The following MGAT4C variants were observed in gnomAD, a reference collection of about 807,000 sequenced individuals.
MGAT4C encodes the protein alpha-1,3-mannosyl-glycoprotein 4-beta-N-acetylglucosaminyltransferase C.
MGAT4C carries 19 observed loss-of-function variants against 40.1 expected under a neutral mutation model. The ratio of observed to expected loss-of-function variants is 0.47; its 90% CI spans 0.33 to 0.70. The LOEUF (loss-of-function observed/expected upper bound fraction) is 0.70. Among genes scored for constraint, MGAT4C ranks in the 30% least tolerant of loss-of-function variants. The pLI is 0.02. For missense variants in MGAT4C, 491 were observed against 563.2 expected (o/e 0.87, Z 1.30); for synonymous variants, 181 against 187.1 (o/e 0.97, Z 0.27).
At chr12:86,389,174 T>C (rs1956118879) in intron 3 of MGAT4C, among the ~76,000 whole-genome samples, 1 of 152,162 alleles carries the variant, frequency 6.6e-6, no homozygotes, top group Non-Finnish European at 1.5e-5. Context: ...TAGTTATTTT[T>C]CCATATCTTC....
At chr12:86,314,935 A>G (rs1954165965) in intron 4 of MGAT4C, among the ~76,000 whole-genome samples, 1 of 152,190 alleles carries the variant, frequency 6.6e-6, no homozygotes, top group Non-Finnish European at 1.5e-5. Context: ...AGGAATCTAC[A>G]GACACAACAC....
At chr12:86,030,783 A>T (rs564054341) in intron 2 of MGAT4C, among the ~76,000 whole-genome samples, 1 of 151,938 alleles carries the variant, frequency 6.6e-6, no homozygotes, top group South Asian at 2.1e-4. Flanking sequence ...AAAAATGTAA[A>T]GATTATTAGT....
At chr12:86,830,763 C>A (rs892450258) in intron 1 of MGAT4C, among the ~76,000 whole-genome samples, 6 of 148,232 alleles carry the variant, frequency 4.0e-5, no homozygotes, top group Non-Finnish European at 9.1e-5. Context: ...AAACTTGTCA[C>A]AGGTAGACGT....
intron 1 of MGAT4C, among the ~76,000 whole-genome samples, chr12:86,808,411 C>T (rs1952405117): frequency 6.6e-6 from 1 of 152,018 alleles, no homozygotes. Flanking sequence ...TCTAGCAGCC[C>T]ATCAAAAAGC....
At chr12:86,689,088 A>G (rs1384256880) in intron 2 of MGAT4C, among the ~76,000 whole-genome samples, 1 of 152,088 alleles carries the variant, frequency 6.6e-6, no homozygotes, top group Admixed American at 6.6e-5. Flanking sequence ...TATTTTGTTA[A>G]GTTGATCTTC....
At chr12:86,794,034 A>G (rs1952070462) in intron 1 of MGAT4C, among the ~76,000 whole-genome samples, 1 of 151,960 alleles carries the variant, frequency 6.6e-6, no homozygotes, top group Non-Finnish European at 1.5e-5. Context: ...CTAAATTCAA[A>G]CATATATAAA....
At chr12:86,343,470 A>T (rs1407895612) in intron 3 of MGAT4C, among the ~76,000 whole-genome samples, 2 of 152,152 alleles carry the variant, frequency 1.3e-5, no homozygotes, top group Admixed American at 6.6e-5. Context: ...TTTTAACAAA[A>T]CCTATTGGAA....
intron 4 of MGAT4C, among the ~76,000 whole-genome samples, chr12:86,311,257 T>TGTATGGCATTTTCCC (rs1332309457): frequency 2.6e-5 from 4 of 152,204 alleles, no homozygotes; most frequent in African/African-American, 9.7e-5. Flanking sequence ...GCTACAAACC[T>TGTATGGCATTTTCCC]GTATGGCATT....
At chr12:86,471,936 T>C (rs1193375826) in intron 2 of MGAT4C, among the ~76,000 whole-genome samples, 4 of 152,166 alleles carry the variant, frequency 2.6e-5, no homozygotes, top group African/African-American at 4.8e-5. Context: ...TTAGTAAACA[T>C]TTTTAATACA....
rs548967171 is a variant in MGAT4C at position 86,765,160 on chromosome 12, G to A, written c.-261-37919C>T. ...GTATAACTAGAATAACCAATACAGAGAAGTGCTTAAAGGAGCTGATGGAGC... is the reference window on the plus strand; with the variant it reads ...GTATAACTAGAATAACCAATACAGAAAAGTGCTTAAAGGAGCTGATGGAGC... On this transcript the variant is annotated intron_variant, in intron 1 of 7. Coordinates refer to the MGAT4C transcript ENST00000548651. 5.5e-3 allele frequency among the ~76,000 whole-genome samples: 843 copies of A among 152,256 alleles called. 3 individuals carry two copies. Among genetic ancestry groups the A allele is most frequent in the Non-Finnish European group, 9.0e-3 (610 of 68,032 alleles).
intron 2 of MGAT4C, chr12:86,001,918 G>C (rs1328572633): frequency 1.3e-5 from 2 of 152,090 alleles, no homozygotes; most frequent in African/African-American, 4.8e-5. Flanking sequence ...GTTTTGTTAA[G>C]GATAATTTGA....
chr12:86,323,111 C>T (rs1054314368), intron 4 of MGAT4C, among the ~76,000 whole-genome samples: 2 of 149,876 alleles, frequency 1.3e-5, no homozygotes, highest in African/African-American at 4.9e-5. Flanking sequence ...ACAAAGCCCA[C>T]AGAAATATTT....
At position 86,095,674 on chromosome 12, in the gene MGAT4C, C is replaced by T. The variant is rs150388257; in HGVS notation, c.-56-45951G>A. 4.9e-3 allele frequency among the ~76,000 whole-genome samples: 739 copies of T among 149,750 alleles called. 8 individuals are homozygous for T. The highest frequency in any genetic ancestry group is 0.017 in the African/African-American group (702 of 40,854). ...CCTTCTTGTAAGGAATATTGGAACTCGTTGGCAACTTCTTTTTACTACTTC... is the reference window on the plus strand; with the variant it reads ...CCTTCTTGTAAGGAATATTGGAACTTGTTGGCAACTTCTTTTTACTACTTC... On this transcript the variant is annotated intron_variant, in intron 1 of 4. Coordinates refer to ENST00000611864, the MANE Select transcript of MGAT4C (RefSeq NM_001351288.2).
At chr12:86,673,444 C>A (rs1301328669) in intron 2 of MGAT4C, among the ~76,000 whole-genome samples, 3 of 152,092 alleles carry the variant, frequency 2.0e-5, no homozygotes, top group African/African-American at 7.2e-5. Flanking sequence ...AACACACATG[C>A]GCAAGCGCAC....
At chr12:86,116,530 T>C (rs902214726) in intron 1 of MGAT4C, among the ~76,000 whole-genome samples, 4 of 151,944 alleles carry the variant, frequency 2.6e-5, no homozygotes, top group Non-Finnish European at 5.9e-5. Flanking sequence ...AGTTCTTAAA[T>C]TGGAAAACAG....
intron 4 of MGAT4C, among the ~76,000 whole-genome samples, chr12:86,311,954 G>A (rs144215456): frequency 2.0e-5 from 3 of 151,974 alleles, no homozygotes; most frequent in South Asian, 2.1e-4. Context: ...ATGGGGCTTT[G>A]CCCAAGGCAC....
chr12:86,404,200 A>C (rs1252583452), intron 3 of MGAT4C, among the ~76,000 whole-genome samples: 1 of 152,122 alleles, frequency 6.6e-6, no homozygotes, highest in East Asian at 1.9e-4. Context: ...ATTCATAATC[A>C]TATTTAACGG....
chr12:86,764,682 A>T (rs1951471448), intron 1 of MGAT4C, among the ~76,000 whole-genome samples: 1 of 151,706 alleles, frequency 6.6e-6, no homozygotes, highest in Non-Finnish European at 1.5e-5. Flanking sequence ...CAGAGGAACA[A>T]TCAGACAGCA....
At chr12:86,255,330 T>A (rs1309237540) in intron 1 of MGAT4C, among the ~76,000 whole-genome samples, 2 of 152,106 alleles carry the variant, frequency 1.3e-5, no homozygotes, top group African/African-American at 2.4e-5. Context: ...TTTGAATTCT[T>A]CATTTGTTAT....
Sources: allele counts gnomAD v4.1 joint callset (sites outside exome capture counted in the v4.1 genomes callset), GRCh38; gene constraint gnomAD v4.1.1; transcripts MANE v1.5; gene names NCBI Gene and HGNC (gene_info 2026-07-23, HGNC 2026-07-21).